The following MGAM variants were observed in gnomAD, a reference collection of about 807,000 sequenced individuals.
The protein encoded by MGAM is alpha-1,4-glucosidase.
Under a neutral mutation model 358.8 loss-of-function variants are expected in MGAM, and 253 were observed. That is an observed-to-expected ratio of 0.71 (90% CI 0.64 to 0.78). MGAM has a LOEUF of 0.78. Ranked by LOEUF, MGAM falls within the 30% of genes least tolerant of loss-of-function variation. The pLI is 0.00. For synonymous variants in MGAM, 1,105 were observed against 1,227.1 expected (o/e 0.90, Z 2.08); for missense variants, 3,080 against 3,432.6 (o/e 0.90, Z 2.57).
At position 142,034,358 on chromosome 7, in the gene MGAM, C is replaced by A. The variant is rs1333868241; in HGVS notation, c.1766C>A (p.Ser589Tyr). The change falls in exon 15 of 71, where the codon TCC (serine) becomes TAC (tyrosine). Residue 589 changes from serine to tyrosine, a missense_variant. Physicochemically the swap from Ser to Tyr is moderately radical, Grantham distance 144 (BLOSUM62 -2). Around this residue, in one of 5 missense-constraint regions of MGAM, gnomAD observed 1,816 missense variants for 1,840.5 expected, o/e 0.99. Coordinates refer to ENST00000475668, the MANE Select transcript of MGAM (RefSeq NM_001365693.1). Reference protein sequence around the residue: ...QYDIHNLYGYSMAVATAEAAK... With the variant: ...QYDIHNLYGYYMAVATAEAAK... ...GACATTCACAATCTGTATGGCTACTCCATGGCGGTCGCCACAGCAGAGTAA... is the reference window on the plus strand; with the variant it reads ...GACATTCACAATCTGTATGGCTACTACATGGCGGTCGCCACAGCAGAGTAA... 1 of 1,583,028 alleles carries A rather than the reference C, an allele frequency of 6.3e-7. No homozygotes were observed. Among genetic ancestry groups the A allele is most frequent in the African/African-American group, 1.3e-5 (1 of 74,550 alleles).
chr7:142,044,908 T>G (rs1809837170), intron 21 of MGAM, among the ~76,000 whole-genome samples: 1 of 81,754 alleles, frequency 1.2e-5, no homozygotes, highest in Non-Finnish European at 2.4e-5. Context: ...TGATATATAA[T>G]GTATATTATA....
At chr7:142,014,252 T>C (rs1805805208) in intron 3 of MGAM, among the ~76,000 whole-genome samples, 1 of 152,214 alleles carries the variant, frequency 6.6e-6, no homozygotes, top group Non-Finnish European at 1.5e-5. Flanking sequence ...TAGGTCGTTA[T>C]GTTGGAAGGG....
rs536883997 is a variant in MGAM at position 142,044,257 on chromosome 7, A to G, written c.2498+3411A>G. On this transcript the variant is annotated intron_variant, in intron 21 of 70. Coordinates refer to ENST00000475668, the MANE Select transcript of MGAM (RefSeq NM_001365693.1). ...TATATACATTATATACACATACGAC[A>G]TATAATATATACATTATATACACAT... is the stretch of plus-strand genomic sequence containing the variant. Among the ~76,000 whole-genome samples, 267 of 117,356 alleles carry G rather than the reference A, an allele frequency of 2.3e-3. 56 individuals carry two copies. The highest frequency in any genetic ancestry group is 0.026 in the Middle Eastern group (2 of 76). 77.0% of individuals were successfully genotyped at this position (117,356 alleles called of 152,430 possible).
intron 30 of MGAM, among the ~76,000 whole-genome samples, chr7:142,057,521 G>A (rs553954699): frequency 1.4e-3 from 207 of 147,956 alleles, no homozygotes; most frequent in African/African-American, 3.8e-3. Flanking sequence ...TGGTGATGGT[G>A]GGGATGGTGG....
At position 142,079,113 on chromosome 7, in the gene MGAM, T is replaced by G. The variant is rs2960739; in HGVS notation, c.5847+105T>G. 4 of 1,022,196 alleles carry G rather than the reference T, an allele frequency of 3.9e-6. No individual in the cohort carries two copies. The South Asian group carries it at 6.0e-5, about 15-fold the overall frequency. 63.3% of individuals were successfully genotyped at this position (1,022,196 alleles called of 1,614,324 possible). A position where few individuals can be genotyped will look rare whatever the true frequency, so the allele number is the denominator to read the frequency against. On this transcript the variant is annotated intron_variant, in intron 49 of 70. Transcript: ENST00000475668. ...CTAAAATAAGTTAATCATGCTACAT[T>G]AGACTATGTCATTATCCAGAGAACA...
At position 142,031,689 on chromosome 7, in the gene MGAM, G is replaced by A. The variant is rs1554463821; in HGVS notation, c.1480G>A (p.Gly494Arg). The A allele has an allele frequency of 6.2e-7, 1 of 1,610,570 alleles. No homozygotes were observed. The highest frequency in any genetic ancestry group is 1.7e-5 in the Admixed American group (1 of 59,922). ...TCTTTTTCTCCTGAAGGTCTGGCCTGGACAAACTGTGTTTCCTGATTATAC... is the reference window on the plus strand; with the variant it reads ...TCTTTTTCTCCTGAAGGTCTGGCCTAGACAAACTGTGTTTCCTGATTATAC... ...VTPLIGEVWP[G>R]QTVFPDYTNP... Residue 494 changes from glycine to arginine, a missense_variant, in exon 13 of 71, where the codon GGA becomes AGA. Physicochemically the swap from Gly to Arg is moderately radical, Grantham distance 125. Coordinates refer to ENST00000475668, the MANE Select transcript of MGAM (RefSeq NM_001365693.1).
At chr7:142,041,145 T>A (rs971525044) in intron 21 of MGAM, among the ~76,000 whole-genome samples, 1 of 152,156 alleles carries the variant, frequency 6.6e-6, no homozygotes, top group Non-Finnish European at 1.5e-5. Flanking sequence ...AACTTCCTAT[T>A]TCTTTTCTCC....
intron 1 of MGAM, chr7:142,004,461 G>A (rs1351072228): frequency 1.3e-5 from 2 of 151,978 alleles, no homozygotes; most frequent in Non-Finnish European, 2.9e-5. Flanking sequence ...AAAACTGCAT[G>A]TTCTCACTTA....
At chr7:142,037,033 A>G (rs1220667014) in intron 18 of MGAM, 56 bp downstream of exon 18, 2 of 1,506,944 alleles carry the variant, frequency 1.3e-6, no homozygotes, top group Non-Finnish European at 9.1e-7. Context: ...GACATTGACT[A>G]TATCATCAAA....
chr7:142,073,417 G>A lies in MGAM; in HGVS notation c.5187-668G>A, dbSNP rs549551801. On this transcript the variant is annotated intron_variant, in intron 44 of 70. Transcript: ENST00000475668. ...GAATAGGAAGAGCAGGAAACTGAGA[G>A]GTTGCCTAGAGAGTGACAGAGTGAG... 3.4e-4 allele frequency among the ~76,000 whole-genome samples: 49 copies of A among 146,092 alleles called. 1 individual carries two copies. Among genetic ancestry groups the A allele is most frequent in the African/African-American group, 1.1e-3 (45 of 41,226 alleles).
intron 40 of MGAM, among the ~76,000 whole-genome samples, 200 bp from the exon 41 acceptor site, chr7:142,066,373 T>A (rs182938465): frequency 6.8e-6 from 1 of 146,352 alleles, no homozygotes; most frequent in Non-Finnish European, 1.5e-5. Flanking sequence ...AAGAATGTCT[T>A]ACAGTGAAAT....
intron 21 of MGAM, among the ~76,000 whole-genome samples, chr7:142,046,510 A>G (rs974531032): frequency 3.3e-5 from 5 of 152,154 alleles, no homozygotes; most frequent in African/African-American, 4.8e-5. Flanking sequence ...TGGGAATCAG[A>G]GGTTCACATT....
intron 60 of MGAM, among the ~76,000 whole-genome samples, chr7:142,093,959 A>G (rs1291453211): frequency 1.4e-5 from 2 of 145,464 alleles, no homozygotes; most frequent in Non-Finnish European, 3.1e-5. Context: ...TTCTTGGTGG[A>G]GGCTAATTGG....
At chr7:142,076,176 T>C in intron 45 of MGAM, 27 bp from the exon 46 acceptor site, 2 of 1,520,332 alleles carry the variant, frequency 1.3e-6, no homozygotes, top group Non-Finnish European at 1.8e-6. Flanking sequence ...CAAGCCGGAG[T>C]CTGACTTGTC....
upstream of MGAM, among the ~76,000 whole-genome samples, chr7:141,992,176 T>G (rs76664004): frequency 0.011 from 1,707 of 152,332 alleles, 29 homozygotes; most frequent in African/African-American, 0.039. Context: ...GAGTATTTAC[T>G]AAGTAACATC....
chr7:142,002,529 A>G (rs1271604726), intron 1 of MGAM, among the ~76,000 whole-genome samples: 4 of 152,112 alleles, frequency 2.6e-5, no homozygotes, highest in African/African-American at 4.8e-5. Flanking sequence ...GCATTCCTTC[A>G]TAAAAAAAAA....
At chr7:142,052,212 T>C in intron 24 of MGAM, 82 bp from the exon 25 acceptor site, 1 of 1,231,538 alleles carries the variant, frequency 8.1e-7, no homozygotes, top group Non-Finnish European at 1.1e-6. Context: ...TTCTATTTTT[T>C]TTTTATCGAA....
At chr7:142,017,763 T>C (rs1176897934) in intron 3 of MGAM, among the ~76,000 whole-genome samples, 1 of 152,176 alleles carries the variant, frequency 6.6e-6, no homozygotes, top group Non-Finnish European at 1.5e-5. Flanking sequence ...TATTGGCTAT[T>C]AGTGTAAAAA....
chr7:142,092,047 TGTAA>T lies in MGAM; in HGVS notation c.6945+3_6945+6del. On this transcript the variant is annotated splice_donor_variant and splice_donor_region_variant and intron_variant, in intron 58 of 70. Transcript: ENST00000475668. LOFTEE classifies it high-confidence loss of function. ...GCTTGAAGTTTGATGGCATGTGGATTGTAAGTGTGTGTGTGTCTCTGTGTACCAG... is the reference window on the plus strand; with the variant it reads ...GCTTGAAGTTTGATGGCATGTGGATTGTGTGTGTGTGTCTCTGTGTACCAG... The T allele has an allele frequency of 5.2e-6, 8 of 1,542,384 alleles. 1 individual carries two copies. Among genetic ancestry groups the T allele is most frequent in the Non-Finnish European group, 7.1e-6 (8 of 1,125,384 alleles).
Sources: gnomAD v4.1 joint callset for allele counts (sites outside exome capture counted in the v4.1 genomes callset) on GRCh38, gnomAD v4.1.1 for gene constraint, gnomAD v4.1.1 regional missense constraint, MANE v1.5 for transcripts, NCBI Gene and HGNC (gene_info 2026-07-23, HGNC 2026-07-21) for gene names.